Variants in DDX21 observed in about 807,000 individuals in gnomAD.
DDX21 encodes the protein nucleolar RNA helicase 2.
In DDX21, 18 loss-of-function variants were observed where a neutral mutation model predicts 90.0. The ratio of observed to expected loss-of-function variants is 0.20; its 90% CI spans 0.14 to 0.30. The LOEUF (loss-of-function observed/expected upper bound fraction) is 0.30. Ranked by LOEUF, DDX21 falls within the 10% of genes least tolerant of loss-of-function variation. The pLI is 1.00. For missense variants in DDX21, 673 were observed against 944.5 expected (o/e 0.71, Z 3.77); for synonymous variants, 294 against 318.0 (o/e 0.92, Z 0.80).
chr10:68,981,663 G>T, intron 14 of DDX21, 82 bp downstream of exon 14: 1 of 1,214,900 alleles, frequency 8.2e-7, no homozygotes, highest in South Asian at 1.3e-5. Flanking sequence ...AATAGATTGG[G>T]AAACAATAGT....
At chr10:68,961,811 A>C (rs1392598754) in intron 2 of DDX21, among the ~76,000 whole-genome samples, 1 of 152,176 alleles carries the variant, frequency 6.6e-6, no homozygotes, top group Non-Finnish European at 1.5e-5. Flanking sequence ...GTCACACATA[A>C]TCTTAGTTGA....
At chr10:68,982,136 G>T (rs769813046) in intron 14 of DDX21, among the ~76,000 whole-genome samples, 2 of 152,132 alleles carry the variant, frequency 1.3e-5, no homozygotes, top group Non-Finnish European at 2.9e-5. Flanking sequence ...CCAAAGTGCT[G>T]GAATTACAGG....
chr10:68,965,858 A>G (rs10998506), intron 5 of DDX21, among the ~76,000 whole-genome samples: 2 of 150,304 alleles, frequency 1.3e-5, no homozygotes, highest in African/African-American at 4.9e-5. Flanking sequence ...TTCTTTCTTG[A>G]TGTAGGCAGG....
At chr10:68,956,582 G>A in intron 1 of DDX21, 2 of 1,281,336 alleles carry the variant, frequency 1.6e-6, no homozygotes, top group Non-Finnish European at 2.0e-6. Context: ...TGGTAGAGAG[G>A]CCCTGTTGGA....
rs372587952 is a variant in DDX21 at position 68,977,663 on chromosome 10, A to G, written c.1877A>G (p.Gln626Arg). The G allele has an allele frequency of 6.2e-7, 1 of 1,613,010 alleles. No individual in the cohort carries two copies. Among genetic ancestry groups the G allele is most frequent in the African/African-American group, 1.3e-5 (1 of 75,028 alleles). The change falls in exon 12 of 15, where the codon CAG becomes CGG. Residue 626 changes from glutamine (Q) to arginine (R), a missense_variant. By Grantham distance (43) the Gln-to-Arg change is conservative. Transcript: ENST00000354185. ...ATTTCAGGTGCCACGTCCGTAGACC[A>G]GCGCTCCTTGATCAACTCAAATGTG... ...AHISGATSVD[Q>R]RSLINSNVGF...
rs1439706724 is a variant in DDX21, at chr10:68,977,515, C to T, written c.1743-14C>T. On this transcript the variant is annotated splice_polypyrimidine_tract_variant and intron_variant, in intron 11 of 14. Coordinates refer to ENST00000354185, the MANE Select transcript of DDX21 (RefSeq NM_004728.4). ...TTCTAGTATCCTTTCTCCTAACACA[C>T]TCTCAAACAACAGGCTTTTGGATTC... The T allele has an allele frequency of 6.3e-7, 1 of 1,597,248 alleles. No individual in the cohort carries two copies. The highest frequency in any genetic ancestry group is 8.6e-7 in the Non-Finnish European group (1 of 1,169,202).
chr10:68,972,339 GGTAA>G (rs1337166598), intron 9 of DDX21, among the ~76,000 whole-genome samples: 2 of 152,056 alleles, frequency 1.3e-5, no homozygotes, highest in Non-Finnish European at 2.9e-5. Context: ...ATGGGATAGG[GGTAA>G]GTAAGGTAGA....
rs1369982678 is a variant in DDX21, at chr10:68,977,546, C to T, written c.1760C>T (p.Pro587Leu). ...AACAACAGGCTTTTGGATTCCGTGC[C>T]TCCCACTGCCATTAGTCACTTCAAA... is the stretch of plus-strand genomic sequence containing the variant. ...KDAIRLLDSV[P>L]PTAISHFKQS... The change falls in exon 12 of 15, where the codon CCT (proline) becomes CTT (leucine). Residue 587 changes from proline (P) to leucine (L), a missense_variant. Transcript: ENST00000354185. 7 of 1,609,794 alleles carry T rather than the reference C, an allele frequency of 4.3e-6. No individual in the cohort carries two copies. Among genetic ancestry groups the T allele is most frequent in the Admixed American group, 1.7e-5 (1 of 59,632 alleles).
chr10:68,959,307 A>C (rs552345800), intron 1 of DDX21, among the ~76,000 whole-genome samples: 1 of 152,250 alleles, frequency 6.6e-6, no homozygotes, highest in African/African-American at 2.4e-5. Context: ...CAGCCTGGGC[A>C]ACATGGGAAA....
chr10:68,982,593 A>G lies in DDX21; in HGVS notation c.2133A>G (p.Gln711=). 1.2e-6 allele frequency: 2 copies of G among 1,614,058 alleles called. No homozygotes were observed. The highest frequency in any genetic ancestry group is 1.7e-6 in the Non-Finnish European group (2 of 1,179,952). Residue 711 remains glutamine (Q), a synonymous_variant, in exon 15 of 15, where the codon CAA becomes CAG. Coordinates refer to ENST00000354185, the MANE Select transcript of DDX21 (RefSeq NM_004728.4). ...RRWQLSVATE[Q]PELEGPREGY... ...GGCAGCTCTCTGTGGCCACAGAGCA[A>G]CCAGAACTGGAAGGACCACGGGAAG...
chr10:68,980,488 C>T (rs1843169819), intron 13 of DDX21, among the ~76,000 whole-genome samples: 2 of 152,124 alleles, frequency 1.3e-5, no homozygotes, highest in South Asian at 4.1e-4. Context: ...GGATTATACT[C>T]TACTTCGTAA....
chr10:68,967,115 G>C lies in DDX21; in HGVS notation c.1002G>C (p.Lys334Asn), dbSNP rs752223563. Reference protein sequence around the residue: ...QNGKLDLTKLKHVVLDEVDQM... With the variant: ...QNGKLDLTKLNHVVLDEVDQM... Reference sequence around the variant, plus strand: ...GCAAACTAGATCTCACCAAACTTAAGCATGTTGTCCTGGATGAAGTGGACC... The same window carrying C: ...GCAAACTAGATCTCACCAAACTTAACCATGTTGTCCTGGATGAAGTGGACC... The change falls in exon 6 of 15, where the codon AAG becomes AAC. Residue 334 changes from lysine to asparagine, a missense_variant. Around this residue, in one of 4 missense-constraint regions of DDX21, gnomAD observed 218 missense variants for 347.3 expected, o/e 0.63. Coordinates refer to ENST00000354185, the MANE Select transcript of DDX21 (RefSeq NM_004728.4). The C allele has an allele frequency of 4.3e-6, 7 of 1,612,162 alleles. No individual in the cohort carries two copies. In the Admixed American group the frequency reaches 1.2e-4, roughly 27 times the overall value.
intron 8 of DDX21, 100 bp downstream of exon 8, chr10:68,970,450 C>T: frequency 1.8e-6 from 2 of 1,141,446 alleles, no homozygotes; most frequent in Non-Finnish European, 2.4e-6. Context: ...TCAGTGAATA[C>T]CAGTTTAGTT....
In DDX21 at chr10:68,956,545, C is replaced by T. The variant is rs1842797510; in HGVS notation, c.87+233C>T. 5 of 1,378,798 alleles carry T rather than the reference C, an allele frequency of 3.6e-6. No individual in the cohort carries two copies. The South Asian group carries it at 6.1e-5, about 17-fold the overall frequency. The allele number at this position is 1,378,798 out of a possible 1,614,324, so 85.4% of individuals were successfully genotyped here. ...CCGTGCGCTGACCTCTTCCTCTGAGCTTATAGGCATCCACAGGTCGGAACT... is the reference window on the plus strand; with the variant it reads ...CCGTGCGCTGACCTCTTCCTCTGAGTTTATAGGCATCCACAGGTCGGAACT... On this transcript the variant is annotated intron_variant, in intron 1 of 14. Coordinates refer to ENST00000354185, the MANE Select transcript of DDX21 (RefSeq NM_004728.4).
In DDX21 at chr10:68,970,333, A is replaced by C; in HGVS notation, c.1369A>C (p.Asn457His). The change falls in exon 8 of 15, where the codon AAT (asparagine) becomes CAT (histidine). Residue 457 changes from asparagine (N) to histidine (H), a missense_variant. Around this residue, in one of 4 missense-constraint regions of DDX21, gnomAD observed 218 missense variants for 347.3 expected, o/e 0.63. Coordinates refer to ENST00000354185, the MANE Select transcript of DDX21 (RefSeq NM_004728.4). ...GAAAGAAGCCCAGGAGCTGTCCCAG[A>C]ATTCAGCTATAAAGCAGGTTGGTCC... is the stretch of plus-strand genomic sequence containing the variant. ...TKKEAQELSQ[N>H]SAIKQDAQSL... is the part of the protein sequence containing the mutation. 1 of 1,613,990 alleles carries C rather than the reference A, an allele frequency of 6.2e-7. No homozygotes were observed. Among genetic ancestry groups the C allele is most frequent in the Non-Finnish European group, 8.5e-7 (1 of 1,179,948 alleles).
chr10:68,982,614 G>C lies in DDX21; in HGVS notation c.2154G>C (p.Arg718=). 1.2e-6 allele frequency: 2 copies of C among 1,614,124 alleles called. No individual in the cohort carries two copies. Among genetic ancestry groups the C allele is most frequent in the Non-Finnish European group, 1.7e-6 (2 of 1,180,034 alleles). ...AGCAACCAGAACTGGAAGGACCACG[G>C]GAAGGATATGGAGGCTTCAGGGGAC... is the stretch of plus-strand genomic sequence containing the variant. ...ATEQPELEGP[R]EGYGGFRGQR... is the part of the protein sequence containing the mutation. The change falls in exon 15 of 15, where the codon CGG becomes CGC. Residue 718 remains arginine, a synonymous_variant. Coordinates refer to ENST00000354185, the MANE Select transcript of DDX21 (RefSeq NM_004728.4).
Position 68,965,390 on chromosome 10 carries a change from C to G in DDX21, c.800C>G (p.Ala267Gly), listed in dbSNP as rs1842926556. 6 of 1,613,400 alleles carry G rather than the reference C, an allele frequency of 3.7e-6. No individual in the cohort carries two copies. The highest frequency in any genetic ancestry group is 5.1e-6 in the Non-Finnish European group (6 of 1,179,614). The stretch of plus-strand genomic sequence containing the variant: ...TTTCTTTATCAGGTACTGGTTCTTG[C>G]ACCTACAAGAGAGTTGGCAAATCAA... ...RGRAPQVLVL[A>G]PTRELANQVS... The change falls in exon 5 of 15, where the codon GCA (alanine) becomes GGA (glycine). Residue 267 changes from alanine (A) to glycine (G), a missense_variant. This residue lies in a region of DDX21 where 218 missense variants were observed against 347.3 expected (regional missense o/e 0.63). Transcript: ENST00000354185.
At chr10:68,967,330 C>G (rs146965975) in intron 6 of DDX21, 127 bp downstream of exon 6, 2 of 839,328 alleles carry the variant, frequency 2.4e-6, no homozygotes, top group Non-Finnish European at 3.6e-6. Flanking sequence ...CCCACCACCA[C>G]GCCTGGCCTC....
intron 12 of DDX21, among the ~76,000 whole-genome samples, chr10:68,978,636 C>T (rs1439479684): frequency 6.6e-6 from 1 of 152,168 alleles, no homozygotes; most frequent in Non-Finnish European, 1.5e-5. Flanking sequence ...AATACCACAA[C>T]CAAGATATTG....
Sources: allele counts gnomAD v4.1 joint callset (sites outside exome capture counted in the v4.1 genomes callset), GRCh38; gene constraint gnomAD v4.1.1; regional missense constraint gnomAD v4.1.1; transcripts MANE v1.5; gene names NCBI Gene and HGNC (gene_info 2026-07-23, HGNC 2026-07-21).